Variants in ASB18 observed in about 807,000 individuals in gnomAD.
ASB18 encodes ankyrin repeat and SOCS box protein 18.
A neutral mutation model predicts 33.4 loss-of-function variants in ASB18; 33 were observed. That is an observed-to-expected ratio of 0.99 (90% CI 0.75 to 1.32). The LOEUF is 1.32. Ranked by LOEUF, ASB18 falls within the 40% of genes most tolerant of loss-of-function variation. The probability of loss-of-function intolerance (pLI) is 0.00; values close to 1 mark genes in which losing one functional copy is unlikely to be tolerated. For synonymous variants in ASB18, 295 were observed against 307.6 expected (o/e 0.96, Z 0.43); for missense variants, 694 against 655.5 (o/e 1.06, Z -0.64).
rs767470427 is a variant in ASB18, at chr2:236,257,647, T to C, written c.205+6494A>G. On this transcript the variant is annotated intron_variant, in intron 1 of 5. Transcript: ENST00000409749. This position sits in a 1 kb window ranked among gnomAD's most constrained non-coding sequence, Gnocchi z 5.5. ...CAGGGACGTTCCTGCAAAATGTCTC[T>C]GGGTGGGTAGGCAGCAAGAGCCCCT... Among the ~76,000 whole-genome samples the C allele has an allele frequency of 1.4e-4, 21 of 152,276 alleles. No homozygotes were observed. Among genetic ancestry groups the C allele is most frequent in the Non-Finnish European group, 2.6e-4 (18 of 68,008 alleles).
chr2:236,217,077 C>T lies in ASB18; in HGVS notation c.597-2211G>A, dbSNP rs182207491. Among the ~76,000 whole-genome samples the T allele has an allele frequency of 1.4e-4, 21 of 152,298 alleles. No homozygotes were observed. Among genetic ancestry groups the T allele is most frequent in the Admixed American group, 1.1e-3 (17 of 15,304 alleles). On this transcript the variant is annotated intron_variant, in intron 3 of 5. Coordinates refer to ENST00000409749, the MANE Select transcript of ASB18 (RefSeq NM_212556.4). The surrounding 1 kb of genome is among the most constrained non-coding windows in gnomAD (Gnocchi z 5.2). ...CACCTCTGTGTTGTCACATGTCTTGCACTATGTGCCCAGGCACATTGGTCA... is the reference window on the plus strand; with the variant it reads ...CACCTCTGTGTTGTCACATGTCTTGTACTATGTGCCCAGGCACATTGGTCA...
At chr2:236,230,392 T>C (rs868806579) in intron 3 of ASB18, among the ~76,000 whole-genome samples, 15 of 149,130 alleles carry the variant, frequency 1.0e-4, no homozygotes, top group African/African-American at 3.5e-4. Context: ...TGATACTAGA[T>C]GGAATCTTGG....
At position 236,203,388 on chromosome 2, in the gene ASB18, A is replaced by C. The variant is rs1048367681; in HGVS notation, c.1102-7003T>G. ...GAAAACGTATTATGCCAGGTTTGGG[A>C]GGTGAGAAGGAGCAAATAATGTTGG... On this transcript the variant is annotated intron_variant, in intron 4 of 5. Coordinates refer to ENST00000409749, the MANE Select transcript of ASB18 (RefSeq NM_212556.4). This position sits in a 1 kb window ranked among gnomAD's most constrained non-coding sequence, Gnocchi z 6.0. Among the ~76,000 whole-genome samples the C allele has an allele frequency of 1.3e-5, 2 of 152,072 alleles. No individual in the cohort carries two copies. The highest frequency in any genetic ancestry group is 4.8e-5 in the African/African-American group (2 of 41,408).
rs1045783735 is a variant in ASB18, at chr2:236,251,594, G to C, written c.206-10192C>G. On this transcript the variant is annotated intron_variant, in intron 1 of 5. Coordinates refer to ENST00000409749, the MANE Select transcript of ASB18 (RefSeq NM_212556.4). This position sits in a 1 kb window ranked among gnomAD's most constrained non-coding sequence, Gnocchi z 5.3. Reference sequence around the variant, plus strand: ...ACCTATCCTGAAGTTGAGAAGGGTGGTCTAGGAGACAATTTGGTCAACACT... The same window carrying C: ...ACCTATCCTGAAGTTGAGAAGGGTGCTCTAGGAGACAATTTGGTCAACACT... Among the ~76,000 whole-genome samples, 3 of 152,270 alleles carry C rather than the reference G, an allele frequency of 2.0e-5. No individual in the cohort carries two copies. In the East Asian group the frequency reaches 5.8e-4, roughly 29 times the overall value.
In ASB18 at chr2:236,259,135, C is replaced by G. The variant is rs2060706710; in HGVS notation, c.205+5006G>C. Among the ~76,000 whole-genome samples, 1 of 152,170 alleles carries G rather than the reference C, an allele frequency of 6.6e-6. No individual in the cohort carries two copies. The highest frequency in any genetic ancestry group is 2.1e-4 in the South Asian group (1 of 4,828). ...CCAATTGGTATTGAAAAGAGGCAAG[C>G]ACAAATAATGCAGTTGTTGCTAATA... On this transcript the variant is annotated intron_variant, in intron 1 of 5. Coordinates refer to ENST00000409749, the MANE Select transcript of ASB18 (RefSeq NM_212556.4). This position sits in a 1 kb window ranked among gnomAD's most constrained non-coding sequence, Gnocchi z 4.4.
rs1346114520 is a variant in ASB18, at chr2:236,231,300, G to T, written c.596+6389C>A. On this transcript the variant is annotated intron_variant, in intron 3 of 5. Coordinates refer to ENST00000409749, the MANE Select transcript of ASB18 (RefSeq NM_212556.4). The surrounding 1 kb of genome is among the most constrained non-coding windows in gnomAD (Gnocchi z 5.5). ...GACAAGTGCTATGGTTTAAATGTTT[G>T]TGTCCCTCCAAAATTCATGTTGAAA... Among the ~76,000 whole-genome samples the T allele has an allele frequency of 6.6e-6, 1 of 152,190 alleles. No homozygotes were observed. Among genetic ancestry groups the T allele is most frequent in the Non-Finnish European group, 1.5e-5 (1 of 68,032 alleles).
intron 4 of ASB18, among the ~76,000 whole-genome samples, chr2:236,199,970 TG>T (rs1303979200): frequency 2.0e-5 from 3 of 152,234 alleles, no homozygotes; most frequent in African/African-American, 7.2e-5. Context: ...GAGTCCATTT[TG>T]TTAATCTATA....
chr2:236,257,252 T>A lies in ASB18; in HGVS notation c.205+6889A>T, dbSNP rs1482990832. On this transcript the variant is annotated intron_variant, in intron 1 of 5. Coordinates refer to ENST00000409749, the MANE Select transcript of ASB18 (RefSeq NM_212556.4). The surrounding 1 kb of genome is among the most constrained non-coding windows in gnomAD (Gnocchi z 5.5). ...AGCAATGCTCAGGCTGGTGGTGGGA[T>A]AGTGTCATTAGGTGCTGATTTATAA... Among the ~76,000 whole-genome samples the A allele has an allele frequency of 6.6e-6, 1 of 152,206 alleles. No individual in the cohort carries two copies. The highest frequency in any genetic ancestry group is 1.5e-5 in the Non-Finnish European group (1 of 68,036).
Position 236,214,711 on chromosome 2 carries a change from C to A in ASB18, c.752G>T (p.Arg251Leu). The A allele has an allele frequency of 1.7e-6, 2 of 1,153,848 alleles. No homozygotes were observed. Among genetic ancestry groups the A allele is most frequent in the South Asian group, 4.1e-5 (1 of 24,420 alleles). 71.5% of individuals were successfully genotyped at this position (1,153,848 alleles called of 1,614,324 possible). The change falls in exon 4 of 6, where the codon CGC (arginine) becomes CTC (leucine). Residue 251 changes from arginine to leucine, a missense_variant. Coordinates refer to ENST00000409749, the MANE Select transcript of ASB18 (RefSeq NM_212556.4). This position sits in a 1 kb window ranked among gnomAD's most constrained non-coding sequence, Gnocchi z 6.5. ...GGCCGCGCTCAGAGCCGTCTCTCCG[C>A]GGCCGTTCCTCGCGTCCACGTGCGC... ...RGAHVDARNG[R>L]GETALSAACG...
chr2:236,207,634 G>T (rs1170125707), intron 4 of ASB18, among the ~76,000 whole-genome samples: 2 of 152,210 alleles, frequency 1.3e-5, no homozygotes, highest in African/African-American at 4.8e-5. Flanking sequence ...GGAGGGGGAC[G>T]AGGGCCTGGC....
intron 4 of ASB18, among the ~76,000 whole-genome samples, chr2:236,206,979 G>A (rs10929171): frequency 0.17 from 26,179 of 152,206 alleles, 2,273 homozygotes; most frequent in South Asian, 0.25. Flanking sequence ...TCACAGAGAC[G>A]ATGCAGGTGC....
chr2:236,209,480 G>C lies in ASB18; in HGVS notation c.1101+4882C>G, dbSNP rs1431985393. ...AGATGGTGTCTCACTATGTTGTCTAGGCCAGTCTCAAACTGCTGGGCTCAA... is the reference window on the plus strand; with the variant it reads ...AGATGGTGTCTCACTATGTTGTCTACGCCAGTCTCAAACTGCTGGGCTCAA... On this transcript the variant is annotated intron_variant, in intron 4 of 5. Coordinates refer to ENST00000409749, the MANE Select transcript of ASB18 (RefSeq NM_212556.4). This position sits in a 1 kb window ranked among gnomAD's most constrained non-coding sequence, Gnocchi z 4.4. 6.6e-6 allele frequency among the ~76,000 whole-genome samples: 1 copy of C among 152,038 alleles called. No individual in the cohort carries two copies. The highest frequency in any genetic ancestry group is 1.5e-5 in the Non-Finnish European group (1 of 68,008).
Position 236,226,157 on chromosome 2 carries a change from C to T in ASB18, c.597-11291G>A, listed in dbSNP as rs1413044038. Among the ~76,000 whole-genome samples, 1 of 152,090 alleles carries T rather than the reference C, an allele frequency of 6.6e-6. No individual in the cohort carries two copies. Among genetic ancestry groups the T allele is most frequent in the East Asian group, 1.9e-4 (1 of 5,192 alleles). On this transcript the variant is annotated intron_variant, in intron 3 of 5. Transcript: ENST00000409749. The surrounding 1 kb of genome is among the most constrained non-coding windows in gnomAD (Gnocchi z 4.8). ...CCATGGTCAAAACCTCAGGCCCTTT[C>T]GACATCTATTAACTTTTTATCCTTC...
At position 236,217,954 on chromosome 2, in the gene ASB18, C is replaced by G. The variant is rs2060495231; in HGVS notation, c.597-3088G>C. On this transcript the variant is annotated intron_variant, in intron 3 of 5. Transcript: ENST00000409749. The surrounding 1 kb of genome is among the most constrained non-coding windows in gnomAD (Gnocchi z 5.2). ...TCAAGGGTTCCTTCTCGTTTTGCCA[C>G]TGAGCCTGTGTGCACTTGCAAACAA... Among the ~76,000 whole-genome samples the G allele has an allele frequency of 6.6e-6, 1 of 152,236 alleles. No individual in the cohort carries two copies.
rs779052291 is a variant in ASB18, at chr2:236,196,357, G to A, written c.1130C>T (p.Ala377Val). 10 of 1,567,150 alleles carry A rather than the reference G, an allele frequency of 6.4e-6. No homozygotes were observed. The highest frequency in any genetic ancestry group is 2.4e-5 in the East Asian group (1 of 42,218). ...GGAGTTGAAAAGCACCTCGATGACT[G>A]CGGGGACAGATGCACAGGTCTTCAG... Reference protein sequence around the residue: ...KVLKTCASVPAVIEVLFNSYP... With the variant: ...KVLKTCASVPVVIEVLFNSYP... Residue 377 changes from alanine to valine, a missense_variant, in exon 5 of 6, where the codon GCA becomes GTA. Transcript: ENST00000409749. This position sits in a 1 kb window ranked among gnomAD's most constrained non-coding sequence, Gnocchi z 5.6.
rs2060609823 is a variant in ASB18 at position 236,239,135 on chromosome 2, T to C, written c.329-1179A>G. The stretch of plus-strand genomic sequence containing the variant: ...ACCAGGTCGGATCTGGAGGGGGTGA[T>C]GGATGTAGTCTATCTACATTGTTAT... On this transcript the variant is annotated intron_variant, in intron 2 of 5. Transcript: ENST00000409749. This position sits in a 1 kb window ranked among gnomAD's most constrained non-coding sequence, Gnocchi z 5.6. 6.6e-6 allele frequency among the ~76,000 whole-genome samples: 1 copy of C among 152,194 alleles called. No homozygotes were observed. Among genetic ancestry groups the C allele is most frequent in the African/African-American group, 2.4e-5 (1 of 41,452 alleles).
At position 236,257,793 on chromosome 2, in the gene ASB18, AG is replaced by A. The variant is rs1057336702; in HGVS notation, c.205+6347del. 6.6e-6 allele frequency among the ~76,000 whole-genome samples: 1 copy of A among 152,188 alleles called. No individual in the cohort carries two copies. On this transcript the variant is annotated intron_variant, in intron 1 of 5. Transcript: ENST00000409749. The surrounding 1 kb of genome is among the most constrained non-coding windows in gnomAD (Gnocchi z 5.5). ...AGAACGCAGCTGTGGGATGAACTAC[AG>A]GTGCCGTGGAGCACGGGAAAGGGCA...
rs184317527 is a variant in ASB18, at chr2:236,195,173, A to G, written c.1216-116T>C. 332 of 932,334 alleles carry G rather than the reference A, an allele frequency of 3.6e-4. 4 individuals are homozygous for G. The East Asian group carries it at 7.2e-3, about 20-fold the overall frequency. 57.8% of individuals were successfully genotyped at this position (932,334 alleles called of 1,614,324 possible). On this transcript the variant is annotated intron_variant, in intron 5 of 5. Transcript: ENST00000409749. The surrounding 1 kb of genome is among the most constrained non-coding windows in gnomAD (Gnocchi z 5.5). ...CTTTTCTATGGCTAACTGATCCCAG[A>G]TAAGCGCACTGGAGGGAGACGCACC...
chr2:236,210,822 A>T (rs930203513), intron 4 of ASB18, among the ~76,000 whole-genome samples: 1 of 152,230 alleles, frequency 6.6e-6, no homozygotes, highest in African/African-American at 2.4e-5. Flanking sequence ...AGTGGAGGGC[A>T]GGGGTTTGAG....
Sources: allele counts gnomAD v4.1 joint callset (sites outside exome capture counted in the v4.1 genomes callset), GRCh38; gene constraint gnomAD v4.1.1; non-coding constraint Gnocchi (gnomAD v3.1); transcripts MANE v1.5; gene names NCBI Gene and HGNC (gene_info 2026-07-23, HGNC 2026-07-21).